PTPRG: variants seen among roughly 807,000 people sequenced by gnomAD.
PTPRG encodes receptor-type tyrosine-protein phosphatase gamma.
A neutral mutation model predicts 165.3 loss-of-function variants in PTPRG; 102 were observed. The ratio of observed to expected loss-of-function variants is 0.62; its 90% CI spans 0.53 to 0.73. PTPRG has a LOEUF of 0.73. PTPRG is among the 30% of genes least tolerant of loss of function. The pLI is 0.00. For missense variants in PTPRG, 1,866 were observed against 1,861.4 expected, an observed-to-expected ratio of 1.00 and a Z score of -0.05; for synonymous variants, 675 against 669.5, an observed-to-expected ratio of 1.01 and a Z score of -0.13.
At chr3:61,732,757 T>TC (rs1559580079) in intron 1 of PTPRG, among the ~76,000 whole-genome samples, 55 of 149,262 alleles carry the variant, frequency 3.7e-4, no homozygotes, top group Admixed American at 9.4e-4. Flanking sequence ...AATAAATAAA[T>TC]AAATCTTGCA....
At chr3:61,810,284 A>T (rs2035536117) in intron 2 of PTPRG, among the ~76,000 whole-genome samples, 1 of 152,234 alleles carries the variant, frequency 6.6e-6, no homozygotes, top group South Asian at 2.1e-4. Flanking sequence ...TGCAGGTAGG[A>T]TATCCAGGAA....
chr3:62,270,018 T>C (rs1372206602), intron 20 of PTPRG, among the ~76,000 whole-genome samples: 1 of 152,216 alleles, frequency 6.6e-6, no homozygotes, highest in African/African-American at 2.4e-5. Context: ...TATGAATATA[T>C]ACTGTTTCTC....
intron 2 of PTPRG, among the ~76,000 whole-genome samples, chr3:61,869,415 C>T (rs1462571229): frequency 2.0e-5 from 3 of 152,294 alleles, no homozygotes; most frequent in East Asian, 1.9e-4. Flanking sequence ...TAAAAAATGT[C>T]ATGACCCAGA....
intron 5 of PTPRG, among the ~76,000 whole-genome samples, chr3:62,131,669 CTT>C (rs1703519782): frequency 6.6e-6 from 1 of 152,002 alleles, no homozygotes; most frequent in Admixed American, 6.6e-5. Flanking sequence ...TTGAAAAACT[CTT>C]TATTTTGGAA....
At chr3:62,281,538 CTTT>C (rs60919586) in intron 26 of PTPRG, 22 bp from the exon 27 acceptor site, 35 of 624,160 alleles carry the variant, frequency 5.6e-5, no homozygotes, top group Admixed American at 2.0e-4. Flanking sequence ...ACTGCAGAGG[CTTT>C]TTTTTTTTTT....
chr3:62,016,186 A>G (rs2041540791), intron 4 of PTPRG, among the ~76,000 whole-genome samples: 1 of 152,076 alleles, frequency 6.6e-6, no homozygotes, highest in African/African-American at 2.4e-5. Context: ...ATATATTTTT[A>G]AGACCTAGTC....
Position 62,293,396 on chromosome 3 carries a change from A to G in PTPRG, c.*89A>G. The stretch of plus-strand genomic sequence containing the variant: ...TTTTTGCCAGACTCTAGGTTATACA[A>G]TAACCCAGTTACTTTTTTACACTGA... On this transcript the variant is annotated 3_prime_UTR_variant, in exon 30 of 30. Transcript: ENST00000474889. 1 of 1,194,256 alleles carries G rather than the reference A, an allele frequency of 8.4e-7. No homozygotes were observed. The highest frequency in any genetic ancestry group is 1.1e-6 in the Non-Finnish European group (1 of 882,612). 74.0% of individuals were successfully genotyped at this position (1,194,256 alleles called of 1,614,324 possible).
At chr3:61,892,440 C>T (rs535492585) in intron 2 of PTPRG, among the ~76,000 whole-genome samples, 15 of 152,152 alleles carry the variant, frequency 9.9e-5, no homozygotes, top group African/African-American at 3.6e-4. Flanking sequence ...ATCTCAAACT[C>T]CTTGGCTCAA....
intron 2 of PTPRG, chr3:61,753,692 C>A: frequency 4.8e-6 from 2 of 416,966 alleles, no homozygotes; most frequent in Admixed American, 3.0e-5. Flanking sequence ...TTCCTGAGTT[C>A]AAGCAATTCT....
chr3:62,282,817 G>C lies in PTPRG; in HGVS notation c.4003G>C (p.Val1335Leu). The C allele has an allele frequency of 6.2e-7, 1 of 1,611,820 alleles. No homozygotes were observed. The highest frequency in any genetic ancestry group is 8.5e-7 in the Non-Finnish European group (1 of 1,178,534). The change falls in exon 28 of 30, where the codon GTC becomes CTC. Residue 1335 changes from valine (V) to leucine (L), a missense_variant. By Grantham distance (32) the Val-to-Leu change is conservative. This residue lies in a region of PTPRG where 1,452 missense variants were observed against 1,463.0 expected (regional missense o/e 0.99). Coordinates refer to ENST00000474889, the MANE Select transcript of PTPRG (RefSeq NM_002841.4). ...PISSTFELIN[V>L]IKEEALTRDG... ...AAGTAGTACCTTTGAACTTATCAAC[G>C]TCATCAAGGAAGAGGCCTTAACAAG...
chr3:61,986,405 C>T (rs900774880), intron 2 of PTPRG, among the ~76,000 whole-genome samples: 5 of 152,144 alleles, frequency 3.3e-5, no homozygotes, highest in Non-Finnish European at 4.4e-5. Context: ...CCAAGAACCC[C>T]TGTGTATCTC....
chr3:61,969,341 A>T (rs754310727), intron 2 of PTPRG, among the ~76,000 whole-genome samples: 1 of 152,306 alleles, frequency 6.6e-6, no homozygotes, highest in South Asian at 2.1e-4. Flanking sequence ...TTGAATGAAT[A>T]TTTGCATCAA....
intron 2 of PTPRG, among the ~76,000 whole-genome samples, chr3:61,955,274 A>G (rs990125444): frequency 1.3e-5 from 2 of 152,192 alleles, no homozygotes; most frequent in Admixed American, 6.5e-5. Flanking sequence ...TAACTGGAAA[A>G]TGTGAATGGC....
chr3:61,759,280 A>G (rs1262651114), intron 2 of PTPRG, among the ~76,000 whole-genome samples: 2 of 152,214 alleles, frequency 1.3e-5, no homozygotes, highest in African/African-American at 4.8e-5. Context: ...TGTGTATATA[A>G]CATAGAACTT....
intron 6 of PTPRG, among the ~76,000 whole-genome samples, chr3:62,146,037 G>T (rs138070598): frequency 4.6e-5 from 7 of 152,160 alleles, no homozygotes; most frequent in Non-Finnish European, 8.8e-5. Flanking sequence ...TGTACACGTC[G>T]TGTCAGTTAT....
chr3:61,913,948 C>A (rs553009597), intron 2 of PTPRG, among the ~76,000 whole-genome samples: 1 of 152,162 alleles, frequency 6.6e-6, no homozygotes, highest in Non-Finnish European at 1.5e-5. Flanking sequence ...TCTCAGAGAT[C>A]GGTCCAAATT....
intron 2 of PTPRG, among the ~76,000 whole-genome samples, chr3:61,919,828 C>T (rs1355456812): frequency 6.6e-6 from 1 of 152,190 alleles, no homozygotes; most frequent in Non-Finnish European, 1.5e-5. Flanking sequence ...TGCCTTCCCT[C>T]ACCCTTACCT....
intron 12 of PTPRG, among the ~76,000 whole-genome samples, chr3:62,207,328 G>C (rs1161922300): frequency 6.6e-6 from 1 of 152,230 alleles, no homozygotes; most frequent in African/African-American, 2.4e-5. Flanking sequence ...GGTTTACACA[G>C]AAATCTGCAT....
At chr3:62,034,018 G>A (rs534971111) in intron 4 of PTPRG, among the ~76,000 whole-genome samples, 74 of 152,166 alleles carry the variant, frequency 4.9e-4, no homozygotes, top group African/African-American at 1.5e-3. Context: ...CTCCTGCCTC[G>A]GCCTTCCAAA....
Sources: gnomAD v4.1 joint callset for allele counts (sites outside exome capture counted in the v4.1 genomes callset) on GRCh38, gnomAD v4.1.1 for gene constraint, gnomAD v4.1.1 regional missense constraint, MANE v1.5 for transcripts, NCBI Gene and HGNC (gene_info 2026-07-23, HGNC 2026-07-21) for gene names.